Variants in SGCZ observed in about 807,000 individuals in gnomAD.
SGCZ encodes zeta-sarcoglycan.
Under a neutral mutation model 41.3 loss-of-function variants are expected in SGCZ, and 40 were observed. That is an observed-to-expected ratio of 0.97 (90% CI 0.75 to 1.26). SGCZ has a LOEUF of 1.26. Among genes scored for constraint, SGCZ ranks in the 50% most tolerant of loss-of-function variants. The probability of loss-of-function intolerance (pLI) is 0.00; values close to 1 mark genes in which losing one functional copy is unlikely to be tolerated. For missense variants in SGCZ, 552 were observed against 369.8 expected (o/e 1.49, Z -4.04); for synonymous variants, 206 against 137.5 (o/e 1.50, Z -3.49).
At position 15,129,261 on chromosome 8, in the gene SGCZ, C is replaced by A. The variant is rs867564943; in HGVS notation, c.39+108324G>T. Among the ~76,000 whole-genome samples the A allele has an allele frequency of 3.9e-5, 6 of 152,238 alleles. No individual in the cohort carries two copies. In the South Asian group the frequency reaches 1.2e-3, roughly 32 times the overall value. On this transcript the variant is annotated intron_variant, in intron 1 of 7. Transcript: ENST00000382080. ...CTAATCGCGTCTATTAATGTCCACACTTTCTTTTGCAACCACACCCAGATA... is the reference window on the plus strand; with the variant it reads ...CTAATCGCGTCTATTAATGTCCACAATTTCTTTTGCAACCACACCCAGATA...
chr8:15,080,376 G>A (rs1057345708), intron 1 of SGCZ, among the ~76,000 whole-genome samples: 2 of 152,006 alleles, frequency 1.3e-5, no homozygotes, highest in Non-Finnish European at 2.9e-5. Context: ...GGAAGTCCAC[G>A]GAAGTTCCTA....
At chr8:14,860,845 C>T (rs1481851435) in intron 1 of SGCZ, among the ~76,000 whole-genome samples, 1 of 152,060 alleles carries the variant, frequency 6.6e-6, no homozygotes, top group Non-Finnish European at 1.5e-5. Context: ...CTCAGAAGGG[C>T]CTTGAACTTG....
At chr8:14,199,181 G>C (rs1283783858) in intron 4 of SGCZ, among the ~76,000 whole-genome samples, 1 of 152,134 alleles carries the variant, frequency 6.6e-6, no homozygotes, top group Non-Finnish European at 1.5e-5. Flanking sequence ...TCTCAGCAAG[G>C]AACATCCCTG....
intron 1 of SGCZ, among the ~76,000 whole-genome samples, chr8:14,835,516 T>C (rs1043151859): frequency 7.2e-5 from 11 of 152,160 alleles, no homozygotes; most frequent in African/African-American, 2.7e-4. Flanking sequence ...TTCTCTCTGG[T>C]TTTTACAGCA....
chr8:14,173,568 G>A (rs1804454298), intron 4 of SGCZ, among the ~76,000 whole-genome samples: 1 of 152,046 alleles, frequency 6.6e-6, no homozygotes, highest in African/African-American at 2.4e-5. Context: ...CTCTCCAAAT[G>A]AAGCAGCAGA....
intron 1 of SGCZ, among the ~76,000 whole-genome samples, chr8:14,863,544 G>A (rs116285973): frequency 0.024 from 3,580 of 152,192 alleles, 52 homozygotes; most frequent in Middle Eastern, 0.048. Context: ...GAGTCACCTA[G>A]AAAGAAGATA....
intron 3 of SGCZ, among the ~76,000 whole-genome samples, chr8:14,254,319 C>T (rs1029039384): frequency 7.2e-5 from 11 of 152,192 alleles, no homozygotes; most frequent in African/African-American, 1.9e-4. Context: ...ATTTGATCTT[C>T]GCTCTCTCAG....
At chr8:14,122,233 C>T (rs1802720495) in intron 5 of SGCZ, among the ~76,000 whole-genome samples, 1 of 152,072 alleles carries the variant, frequency 6.6e-6, no homozygotes, top group African/African-American at 2.4e-5. Flanking sequence ...GCTGAGATTG[C>T]GCCACTGCAC....
intron 1 of SGCZ, among the ~76,000 whole-genome samples, chr8:14,610,360 C>T (rs1460402575): frequency 6.6e-6 from 1 of 152,168 alleles, no homozygotes. Flanking sequence ...GATGGAGAGT[C>T]AGAACTGAGA....
chr8:14,835,316 A>AT, intron 1 of SGCZ, among the ~76,000 whole-genome samples: 1 of 152,284 alleles, frequency 6.6e-6, no homozygotes, highest in South Asian at 2.1e-4. Flanking sequence ...AAATACTAAT[A>AT]TTTTTCTGTA....
intron 1 of SGCZ, among the ~76,000 whole-genome samples, chr8:15,049,673 G>C (rs758870921): frequency 6.6e-6 from 1 of 152,106 alleles, no homozygotes; most frequent in Non-Finnish European, 1.5e-5. Context: ...TAAAGTGAGA[G>C]ATGGTGATAT....
At chr8:14,728,732 T>C (rs897249429) in intron 1 of SGCZ, among the ~76,000 whole-genome samples, 5 of 152,182 alleles carry the variant, frequency 3.3e-5, no homozygotes, top group African/African-American at 1.2e-4. Flanking sequence ...TTCCATGCCT[T>C]ATCTGAAAGA....
intron 1 of SGCZ, among the ~76,000 whole-genome samples, chr8:14,787,029 C>A (rs572456091): frequency 7.2e-5 from 11 of 152,142 alleles, no homozygotes; most frequent in African/African-American, 2.6e-4. Flanking sequence ...CACTGTGAAT[C>A]AGGAGCAGTA....
intron 1 of SGCZ, among the ~76,000 whole-genome samples, chr8:15,047,653 T>A (rs942079568): frequency 1.3e-5 from 2 of 152,076 alleles, no homozygotes; most frequent in Admixed American, 6.6e-5. Context: ...TATGCTAGTC[T>A]GTTTAGATAC....
chr8:15,146,247 A>C (rs1380751231), intron 1 of SGCZ, among the ~76,000 whole-genome samples: 2 of 152,212 alleles, frequency 1.3e-5, no homozygotes, highest in African/African-American at 4.8e-5. Context: ...TGTTTACAAA[A>C]ATATAATGAT....
chr8:15,025,083 A>C (rs1043973967), intron 1 of SGCZ, among the ~76,000 whole-genome samples: 2 of 151,764 alleles, frequency 1.3e-5, no homozygotes, highest in Admixed American at 1.3e-4. Flanking sequence ...ACTCACCTAA[A>C]AGAGACTCAT....
intron 1 of SGCZ, among the ~76,000 whole-genome samples, chr8:15,223,197 C>A (rs570047445): frequency 6.6e-6 from 1 of 152,068 alleles, no homozygotes; most frequent in Non-Finnish European, 1.5e-5. Flanking sequence ...TTCTGAAACC[C>A]AACACCAAAG....
At chr8:14,096,641 C>T (rs1285355728) in intron 7 of SGCZ, among the ~76,000 whole-genome samples, 1 of 152,098 alleles carries the variant, frequency 6.6e-6, no homozygotes, top group Non-Finnish European at 1.5e-5. Context: ...GGAGGATTCC[C>T]TCTTTTTCTA....
intron 5 of SGCZ, among the ~76,000 whole-genome samples, chr8:14,118,453 G>T (rs939568623): frequency 6.6e-6 from 1 of 152,060 alleles, no homozygotes; most frequent in Non-Finnish European, 1.5e-5. Context: ...TGTAGATTCT[G>T]GATATTAGCC....
Sources: gnomAD v4.1 joint callset for allele counts (sites outside exome capture counted in the v4.1 genomes callset) on GRCh38, gnomAD v4.1.1 for gene constraint, MANE v1.5 for transcripts, NCBI Gene and HGNC (gene_info 2026-07-23, HGNC 2026-07-21) for gene names.